MEIS1: variants seen among roughly 807,000 people sequenced by gnomAD.
The protein encoded by MEIS1 is homeobox protein Meis1.
In MEIS1, 5 loss-of-function variants were observed where a neutral mutation model predicts 50.8. The observed-to-expected ratio is 0.10, with a 90% CI of 0.05 to 0.21. The LOEUF is 0.21. Ranked by LOEUF, MEIS1 falls within the 10% of genes least tolerant of loss-of-function variation. MEIS1 has a pLI of 1.00. For missense variants in MEIS1, 318 were observed against 517.3 expected, an observed-to-expected ratio of 0.61 and a Z score of 3.74; for synonymous variants, 176 against 179.3, an observed-to-expected ratio of 0.98 and a Z score of 0.15.
intron 1 of MEIS1, chr2:66,436,872 G>GGT: frequency 4.5e-6 from 4 of 890,764 alleles, no homozygotes; most frequent in Non-Finnish European, 5.3e-6. Context: ...TATGAAAGTA[G>GGT]TTTTTTTTTT....
At chr2:66,570,654 GAAGAC>G (rs1281537510) in intron 12 of MEIS1, 1 of 152,574 alleles carries the variant, frequency 6.6e-6, no homozygotes, top group African/African-American at 2.4e-5. Flanking sequence ...AATCCATGCA[GAAGAC>G]AAGAGGCCCC....
At chr2:66,478,351 C>T (rs1017438807) in intron 7 of MEIS1, among the ~76,000 whole-genome samples, 10 of 152,284 alleles carry the variant, frequency 6.6e-5, no homozygotes, top group African/African-American at 2.4e-4. Flanking sequence ...AATAGGTTTG[C>T]ATTATGTGGA....
At chr2:66,530,573 G>A (rs903811658) in intron 8 of MEIS1, among the ~76,000 whole-genome samples, 1 of 152,096 alleles carries the variant, frequency 6.6e-6, no homozygotes, top group Non-Finnish European at 1.5e-5. Flanking sequence ...AAAATTAGCC[G>A]GGCGTGGTGG....
At chr2:66,569,243 C>A in intron 12 of MEIS1, 98 bp downstream of exon 12, 1 of 969,860 alleles carries the variant, frequency 1.0e-6, no homozygotes, top group Non-Finnish European at 1.5e-6. Flanking sequence ...CATGCTTGTT[C>A]ATTCCTTTCC....
chr2:66,456,273 A>G (rs1672387593), intron 6 of MEIS1, among the ~76,000 whole-genome samples: 2 of 92,530 alleles, frequency 2.2e-5, no homozygotes, highest in African/African-American at 1.1e-4. Context: ...TTTATTTGCA[A>G]GCAATTCACC....
intron 9 of MEIS1, among the ~76,000 whole-genome samples, chr2:66,555,322 GCTCCA>G (rs2103947769): frequency 1.3e-5 from 1 of 78,706 alleles, no homozygotes; most frequent in Non-Finnish European, 2.4e-5. Flanking sequence ...CTTTCATTTG[GCTCCA>G]CTCCAAGCAT....
At chr2:66,441,872 G>A (rs114508099) in intron 5 of MEIS1, 159 of 180,882 alleles carry the variant, frequency 8.8e-4, no homozygotes, top group African/African-American at 3.6e-3. Context: ...GTGAGTTTCT[G>A]GAAGACAGTC....
At chr2:66,509,974 A>AT (rs575188105) in intron 7 of MEIS1, among the ~76,000 whole-genome samples, 109 of 152,110 alleles carry the variant, frequency 7.2e-4, no homozygotes, top group East Asian at 4.6e-3. Context: ...TAAAAAGGCT[A>AT]TTTTTTTTAA....
chr2:66,463,052 G>A (rs937904015), intron 6 of MEIS1, among the ~76,000 whole-genome samples: 2 of 151,756 alleles, frequency 1.3e-5, no homozygotes, highest in Non-Finnish European at 2.9e-5. Context: ...CTTCTCCAGG[G>A]TAGGAACATA....
intron 8 of MEIS1, among the ~76,000 whole-genome samples, chr2:66,531,048 T>TA (rs1307640619): frequency 3.3e-5 from 5 of 152,336 alleles, no homozygotes; most frequent in African/African-American, 1.2e-4. Context: ...CACAACATTG[T>TA]AAAATATCTG....
intron 9 of MEIS1, among the ~76,000 whole-genome samples, chr2:66,556,059 A>C (rs1352130278): frequency 6.6e-6 from 1 of 151,264 alleles, no homozygotes; most frequent in Non-Finnish European, 1.5e-5. Flanking sequence ...CAAAACAAAA[A>C]CAAAAAAAAA....
chr2:66,482,337 G>T (rs947354308), intron 7 of MEIS1, among the ~76,000 whole-genome samples: 2 of 152,132 alleles, frequency 1.3e-5, no homozygotes, highest in East Asian at 1.9e-4. Context: ...GCAGAGATTG[G>T]TGTCTCTATT....
intron 8 of MEIS1, among the ~76,000 whole-genome samples, chr2:66,533,369 C>T (rs1674440268): frequency 6.6e-6 from 1 of 152,086 alleles, no homozygotes; most frequent in Non-Finnish European, 1.5e-5. Flanking sequence ...TTCTCAGTGC[C>T]TTAGTCAGTC....
intron 12 of MEIS1, chr2:66,569,668 T>C (rs187329023): frequency 2.0e-5 from 3 of 153,120 alleles, no homozygotes; most frequent in Admixed American, 1.3e-4. Flanking sequence ...TTTTTTTTCT[T>C]AGTTTATTCC....
At chr2:66,531,717 A>G (rs1245834879) in intron 8 of MEIS1, among the ~76,000 whole-genome samples, 1 of 152,194 alleles carries the variant, frequency 6.6e-6, no homozygotes, top group Non-Finnish European at 1.5e-5. Context: ...GACAGGGCCT[A>G]TGTGCTTACA....
intron 7 of MEIS1, among the ~76,000 whole-genome samples, chr2:66,475,638 A>T (rs1672876106): frequency 1.3e-5 from 2 of 152,180 alleles, no homozygotes; most frequent in Admixed American, 1.3e-4. Context: ...CATCCATGGA[A>T]GTTGCTCAGA....
At chr2:66,515,497 A>G (rs1474214591) in intron 8 of MEIS1, among the ~76,000 whole-genome samples, 1 of 152,178 alleles carries the variant, frequency 6.6e-6, no homozygotes, top group Admixed American at 6.6e-5. Flanking sequence ...GGTAGACTTA[A>G]TCAGTAGCAC....
intron 7 of MEIS1, among the ~76,000 whole-genome samples, chr2:66,476,712 T>C (rs953638193): frequency 3.3e-5 from 5 of 152,118 alleles, no homozygotes; most frequent in African/African-American, 1.2e-4. Context: ...CACAGCACCC[T>C]TGTCACGGGG....
At chr2:66,462,557 G>A (rs1374118918) in intron 6 of MEIS1, among the ~76,000 whole-genome samples, 1 of 152,186 alleles carries the variant, frequency 6.6e-6, no homozygotes, top group Non-Finnish European at 1.5e-5. Flanking sequence ...TCCCCTGGGT[G>A]CTGTACCATT....
Sources: allele counts gnomAD v4.1 joint callset (sites outside exome capture counted in the v4.1 genomes callset), GRCh38; gene constraint gnomAD v4.1.1; transcripts MANE v1.5; gene names NCBI Gene and HGNC (gene_info 2026-07-23, HGNC 2026-07-21).